HSDL2: variants seen among roughly 807,000 people sequenced by gnomAD.
The protein encoded by HSDL2 is hydroxysteroid dehydrogenase like 2, also known as hydroxysteroid dehydrogenase-like protein 2.
A neutral mutation model predicts 46.3 loss-of-function variants in HSDL2; 27 were observed. That is an observed-to-expected ratio of 0.58 (90% CI 0.43 to 0.80). The LOEUF is 0.80. HSDL2 is among the 30% of genes least tolerant of loss of function. The pLI is 0.00. For missense variants in HSDL2, 451 were observed against 502.7 expected (o/e 0.90, Z 0.98); for synonymous variants, 153 against 163.6 (o/e 0.94, Z 0.50).
chr9:112,458,332 T>TTC (rs1833095701), intron 9 of HSDL2, among the ~76,000 whole-genome samples: 1 of 151,768 alleles, frequency 6.6e-6, no homozygotes, highest in Non-Finnish European at 1.5e-5. Context: ...TTTTTTTTTT[T>TTC]TTTTCTTTTG....
chr9:112,380,124 C>CCGCCGCTGT lies in HSDL2; in HGVS notation c.-33_-25dup, dbSNP rs1162724631. The CCGCCGCTGT allele has an allele frequency of 6.5e-7, 1 of 1,547,300 alleles. No individual in the cohort carries two copies. The highest frequency in any genetic ancestry group is 1.4e-5 in the African/African-American group (1 of 73,204). On this transcript the variant is annotated 5_prime_UTR_variant, in exon 1 of 11. Coordinates refer to ENST00000398805, the MANE Select transcript of HSDL2 (RefSeq NM_032303.5). ...TCCAGCTTTAGCTCTCTGCTCGCCG[C>CCGCCGCTGT]CGCCGCTGTCGCCGCCACCTCCTCT...
At chr9:112,414,454 GTATC>G (rs776682580) in intron 4 of HSDL2, among the ~76,000 whole-genome samples, 1 of 152,170 alleles carries the variant, frequency 6.6e-6, no homozygotes, top group Non-Finnish European at 1.5e-5. Context: ...GAAGGTATCA[GTATC>G]TAAGTGTGGT....
At chr9:112,428,984 T>A (rs1479909299) in intron 6 of HSDL2, among the ~76,000 whole-genome samples, 1 of 152,186 alleles carries the variant, frequency 6.6e-6, no homozygotes, top group Non-Finnish European at 1.5e-5. Flanking sequence ...CTGCAACCTC[T>A]GCCTCCCAGG....
At position 112,390,021 on chromosome 9, in the gene HSDL2, C is replaced by T. The variant is rs982351789; in HGVS notation, c.17+9841C>T. On this transcript the variant is annotated intron_variant, in intron 1 of 10. Coordinates refer to ENST00000398805, the MANE Select transcript of HSDL2 (RefSeq NM_032303.5). Reference sequence around the variant, plus strand: ...CTGAGGTTGCAGTGAGCCGAGATCACGCCCCTACACTCCAGCCTGGGCAAC... The same window carrying T: ...CTGAGGTTGCAGTGAGCCGAGATCATGCCCCTACACTCCAGCCTGGGCAAC... Among the ~76,000 whole-genome samples, 9 of 151,502 alleles carry T rather than the reference C, an allele frequency of 5.9e-5. 1 individual carries two copies. The highest frequency in any genetic ancestry group is 2.1e-4 in the South Asian group (1 of 4,820).
In HSDL2 at chr9:112,387,553, T is replaced by C. The variant is rs190394705; in HGVS notation, c.17+7373T>C. 7.2e-5 allele frequency among the ~76,000 whole-genome samples: 11 copies of C among 152,282 alleles called. No homozygotes were observed. The East Asian group carries it at 1.7e-3, about 24-fold the overall frequency. On this transcript the variant is annotated intron_variant, in intron 1 of 10. Coordinates refer to ENST00000398805, the MANE Select transcript of HSDL2 (RefSeq NM_032303.5). The stretch of plus-strand genomic sequence containing the variant: ...TTTTCTGATGATTGCTTTCACAATT[T>C]AGTAGTTGAATAAACATGGAAGCTT...
chr9:112,388,797 T>G (rs935024608), intron 1 of HSDL2, among the ~76,000 whole-genome samples: 3 of 144,156 alleles, frequency 2.1e-5, no homozygotes, highest in African/African-American at 5.4e-5. Flanking sequence ...AAAAAAGGAG[T>G]GCAGACTGTA....
rs1832008621 is a variant in HSDL2, at chr9:112,416,924, T to A, written c.479T>A (p.Val160Asp). 1.3e-6 allele frequency: 2 copies of A among 1,595,752 alleles called. No individual in the cohort carries two copies. Among genetic ancestry groups the A allele is most frequent in the South Asian group, 2.2e-5 (2 of 90,494 alleles). The change falls in exon 5 of 11, where the codon GTT (valine) becomes GAT (aspartate). Residue 160 changes from valine (V) to aspartate (D), a missense_variant. Physicochemically the swap from Val to Asp is radical, Grantham distance 152 (BLOSUM62 -3). Transcript: ENST00000398805. ...NISPPLNLNP[V>D]WFKQHCAYTI... ...AGTCCACCACTGAACCTAAATCCAG[T>A]TTGGTTCAAACAGCACTGTGGTAGG...
intron 1 of HSDL2, among the ~76,000 whole-genome samples, chr9:112,400,475 C>T (rs574930989): frequency 5.9e-5 from 9 of 152,250 alleles, no homozygotes; most frequent in African/African-American, 1.4e-4. Flanking sequence ...GGCGTGGTGG[C>T]GCATGCCTGT....
At chr9:112,383,553 C>G (rs748046535) in intron 1 of HSDL2, among the ~76,000 whole-genome samples, 1 of 152,028 alleles carries the variant, frequency 6.6e-6, no homozygotes, top group Non-Finnish European at 1.5e-5. Context: ...CTCATTTGTC[C>G]TAGCAGCATT....
chr9:112,460,255 T>C (rs1833162888), intron 10 of HSDL2, among the ~76,000 whole-genome samples: 1 of 152,214 alleles, frequency 6.6e-6, no homozygotes, highest in South Asian at 2.1e-4. Flanking sequence ...ATAAATGTTA[T>C]TCAGACTTTG....
chr9:112,436,012 C>T (rs1356924823), intron 6 of HSDL2, among the ~76,000 whole-genome samples: 1 of 151,718 alleles, frequency 6.6e-6, no homozygotes, highest in African/African-American at 2.4e-5. Context: ...CGGTGGCTCA[C>T]ACCTGTAATC....
intron 10 of HSDL2, among the ~76,000 whole-genome samples, chr9:112,462,599 GATGT>G (rs1344549196): frequency 4.6e-5 from 5 of 109,382 alleles, no homozygotes; most frequent in Non-Finnish European, 9.0e-5. Context: ...TGAGGAGGGG[GATGT>G]GTGTGTGTGT....
intron 1 of HSDL2, among the ~76,000 whole-genome samples, chr9:112,389,232 C>T (rs1457115031): frequency 2.0e-5 from 3 of 152,050 alleles, no homozygotes; most frequent in Non-Finnish European, 4.4e-5. Context: ...ACTATGTTGC[C>T]CTGGCTGGTT....
At chr9:112,464,172 G>T (rs1833303324) in intron 10 of HSDL2, among the ~76,000 whole-genome samples, 1 of 151,722 alleles carries the variant, frequency 6.6e-6, no homozygotes, top group African/African-American at 2.4e-5. Context: ...TATGAGACCA[G>T]CCTGAATAAC....
At chr9:112,416,967 AG>A in intron 5 of HSDL2, 23 bp downstream of exon 5, 1 of 1,129,148 alleles carries the variant, frequency 8.9e-7, no homozygotes, top group Non-Finnish European at 1.3e-6. Flanking sequence ...TGGTAGGGTG[AG>A]GGGATGGTTT....
chr9:112,404,186 A>G, intron 2 of HSDL2, 28 bp downstream of exon 2: 3 of 1,605,238 alleles, frequency 1.9e-6, no homozygotes, highest in Non-Finnish European at 2.6e-6. Flanking sequence ...ATTTGATAAA[A>G]TGTCTTTCTA....
chr9:112,432,597 A>G (rs966107339), intron 6 of HSDL2, among the ~76,000 whole-genome samples: 4 of 152,202 alleles, frequency 2.6e-5, no homozygotes, highest in African/African-American at 9.6e-5. Context: ...AGCAGGAAAA[A>G]TCAGCTCATT....
chr9:112,456,997 A>C (rs555621313), intron 9 of HSDL2, among the ~76,000 whole-genome samples: 1 of 152,068 alleles, frequency 6.6e-6, no homozygotes, highest in African/African-American at 2.4e-5. Flanking sequence ...AAAATATAAA[A>C]ATTAGCCGGG....
At chr9:112,405,856 C>G (rs1234213662) in intron 3 of HSDL2, 134 bp downstream of exon 3, 7 of 610,774 alleles carry the variant, frequency 1.1e-5, no homozygotes, top group Non-Finnish European at 2.0e-5. Flanking sequence ...TCACACAGAA[C>G]ATGATTTAAA....
Sources: allele counts gnomAD v4.1 joint callset (sites outside exome capture counted in the v4.1 genomes callset), GRCh38; gene constraint gnomAD v4.1.1; transcripts MANE v1.5; gene names NCBI Gene and HGNC (gene_info 2026-07-23, HGNC 2026-07-21).